Variants in PACRG observed in about 807,000 individuals in gnomAD.
PACRG encodes parkin coregulated, also known as parkin coregulated gene protein.
In PACRG, 29 loss-of-function variants were observed where a neutral mutation model predicts 29.7. That is an observed-to-expected ratio of 0.98 (90% CI 0.73 to 1.33). The LOEUF is 1.33. Among genes scored for constraint, PACRG ranks in the 40% most tolerant of loss-of-function variants. The pLI is 0.00. For synonymous variants in PACRG, 116 were observed against 118.7 expected (o/e 0.98, Z 0.15); for missense variants, 279 against 316.2 (o/e 0.88, Z 0.89).
chr6:162,750,367 T>G (rs1275871628), intron 1 of PACRG, among the ~76,000 whole-genome samples: 3 of 152,180 alleles, frequency 2.0e-5, no homozygotes, highest in African/African-American at 7.2e-5. Flanking sequence ...AAATTACTTC[T>G]CAAACATTCA....
intron 1 of PACRG, among the ~76,000 whole-genome samples, chr6:162,802,216 C>T (rs928248113): frequency 2.6e-5 from 4 of 152,016 alleles, no homozygotes; most frequent in African/African-American, 7.2e-5. Flanking sequence ...TTTCCCCGCT[C>T]GTACTAAACC....
At position 162,905,419 on chromosome 6, in the gene PACRG, C is replaced by T. The variant is rs73021329; in HGVS notation, c.291+91138C>T. 5.5e-3 allele frequency among the ~76,000 whole-genome samples: 843 copies of T among 152,174 alleles called. 2 individuals carry two copies. The highest frequency in any genetic ancestry group is 0.017 in the Middle Eastern group (5 of 294). On this transcript the variant is annotated intron_variant, in intron 2 of 4. Transcript: ENST00000366888. ...CTTACCAATTTTAAAAGGGAGAAAC[C>T]GTTTCTGTTTGCTGACCAGACTGGC...
chr6:162,873,903 C>T (rs888611176), intron 2 of PACRG, among the ~76,000 whole-genome samples: 1 of 152,106 alleles, frequency 6.6e-6, no homozygotes, highest in African/African-American at 2.4e-5. Context: ...ACTGCGCATT[C>T]ACTCTTAGAT....
intron 2 of PACRG, among the ~76,000 whole-genome samples, chr6:162,828,126 G>A (rs151293432): frequency 6.6e-6 from 1 of 152,242 alleles, no homozygotes; most frequent in African/African-American, 2.4e-5. Flanking sequence ...GTTGAATACA[G>A]TAGCAATTTG....
chr6:163,166,441 C>T (rs1193777352), intron 4 of PACRG, among the ~76,000 whole-genome samples: 1 of 152,130 alleles, frequency 6.6e-6, no homozygotes, highest in Non-Finnish European at 1.5e-5. Flanking sequence ...TTCCTTTGGG[C>T]AAAATACATA....
intron 2 of PACRG, among the ~76,000 whole-genome samples, chr6:162,843,910 G>GGGGGTCA (rs1166297668): frequency 1.4e-5 from 1 of 70,336 alleles, no homozygotes; most frequent in East Asian, 3.9e-4. Context: ...TAGGCTGCTC[G>GGGGGTCA]GGGGTCAGGG....
intron 2 of PACRG, among the ~76,000 whole-genome samples, chr6:162,872,329 T>C (rs963313441): frequency 6.6e-6 from 1 of 152,240 alleles, no homozygotes; most frequent in Admixed American, 6.5e-5. Flanking sequence ...TTTTAAAATA[T>C]CTTCATTCTG....
intron 1 of PACRG, among the ~76,000 whole-genome samples, chr6:162,774,966 G>T (rs1196663460): frequency 6.6e-6 from 1 of 152,086 alleles, no homozygotes; most frequent in Non-Finnish European, 1.5e-5. Context: ...CAGGACTCAG[G>T]GTTTACCCAA....
At chr6:162,830,516 C>G (rs60018616) in intron 2 of PACRG, among the ~76,000 whole-genome samples, 36,584 of 152,240 alleles carry the variant, frequency 0.24, 5,411 homozygotes, top group African/African-American at 0.39. Context: ...GGCACCCATT[C>G]TCATCCCCCT....
At chr6:162,795,542 A>AT (rs35244629) in intron 1 of PACRG, among the ~76,000 whole-genome samples, 34 of 149,782 alleles carry the variant, frequency 2.3e-4, no homozygotes, top group East Asian at 1.4e-3. Context: ...GTACACACTG[A>AT]TTTTTTTTTT....
intron 4 of PACRG, among the ~76,000 whole-genome samples, chr6:163,198,796 A>T (rs1319916640): frequency 6.6e-6 from 1 of 152,128 alleles, no homozygotes; most frequent in African/African-American, 2.4e-5. Context: ...GGAAGTTGTG[A>T]CGACGTGTGC....
intron 2 of PACRG, among the ~76,000 whole-genome samples, chr6:162,828,322 T>C (rs1315078328): frequency 1.3e-5 from 2 of 152,202 alleles, no homozygotes; most frequent in Non-Finnish European, 2.9e-5. Context: ...TGAAGAAAAG[T>C]GTTTGTTCAT....
intron 4 of PACRG, among the ~76,000 whole-genome samples, chr6:163,257,949 T>C (rs1783180861): frequency 6.6e-6 from 1 of 152,202 alleles, no homozygotes; most frequent in Admixed American, 6.5e-5. Flanking sequence ...TAAATATTAT[T>C]ATTTCCGCTG....
chr6:163,311,596 G>A (rs900913438), intron 4 of PACRG, among the ~76,000 whole-genome samples: 3 of 152,180 alleles, frequency 2.0e-5, no homozygotes, highest in African/African-American at 7.2e-5. Flanking sequence ...ACCCCAAACC[G>A]TGCAGGGTCA....
chr6:163,072,594 G>T (rs1328738128), intron 3 of PACRG, among the ~76,000 whole-genome samples: 1 of 152,066 alleles, frequency 6.6e-6, no homozygotes, highest in African/African-American at 2.4e-5. Context: ...CGTAGTACTG[G>T]AAGTCTTAGC....
chr6:162,967,313 T>C (rs895904011), intron 2 of PACRG, among the ~76,000 whole-genome samples: 2 of 152,198 alleles, frequency 1.3e-5, no homozygotes, highest in African/African-American at 4.8e-5. Flanking sequence ...TTCTGAATTC[T>C]TACACTTTTA....
At chr6:162,892,643 G>A (rs1197783790) in intron 2 of PACRG, among the ~76,000 whole-genome samples, 1 of 152,118 alleles carries the variant, frequency 6.6e-6, no homozygotes, top group Non-Finnish European at 1.5e-5. Context: ...AGGTGGGACA[G>A]GGACCACTGG....
At chr6:163,013,248 T>C (rs1805778946) in intron 2 of PACRG, among the ~76,000 whole-genome samples, 1 of 150,980 alleles carries the variant, frequency 6.6e-6, no homozygotes, top group Non-Finnish European at 1.5e-5. Flanking sequence ...ACCTGGATGG[T>C]AATTTGACTT....
At chr6:162,947,356 T>TG (rs368100837) in intron 2 of PACRG, among the ~76,000 whole-genome samples, 39,872 of 91,334 alleles carry the variant, frequency 0.44, 13,711 homozygotes, top group Middle Eastern at 0.5. Context: ...ATTACATATA[T>TG]ATAATGTAAT....
Sources: gnomAD v4.1 joint callset for allele counts (sites outside exome capture counted in the v4.1 genomes callset) on GRCh38, gnomAD v4.1.1 for gene constraint, MANE v1.5 for transcripts, NCBI Gene and HGNC (gene_info 2026-07-23, HGNC 2026-07-21) for gene names.